Variants in RBFOX1 observed in about 807,000 individuals in gnomAD.
RBFOX1 encodes the protein RNA binding protein fox-1 homolog 1.
RBFOX1 carries 8 observed loss-of-function variants against 57.7 expected under a neutral mutation model. The ratio of observed to expected loss-of-function variants is 0.14; its 90% CI spans 0.08 to 0.25. The LOEUF (loss-of-function observed/expected upper bound fraction) is 0.25. Ranked by LOEUF, RBFOX1 falls within the 10% of genes least tolerant of loss-of-function variation. The probability of loss-of-function intolerance (pLI) is 1.00; values close to 1 mark genes in which losing one functional copy is unlikely to be tolerated. For missense variants in RBFOX1, 611 were observed against 548.5 expected (o/e 1.11, Z -1.14); for synonymous variants, 326 against 222.4 (o/e 1.47, Z -4.15).
intron 3 of RBFOX1, among the ~76,000 whole-genome samples, chr16:7,002,118 G>C (rs1243103818): frequency 6.6e-6 from 1 of 152,004 alleles, no homozygotes; most frequent in South Asian, 2.1e-4. Flanking sequence ...TTCTCATGGG[G>C]TTGTTGATCT....
chr16:6,777,629 A>C (rs1282495444), intron 3 of RBFOX1, among the ~76,000 whole-genome samples: 1 of 152,164 alleles, frequency 6.6e-6, no homozygotes, highest in Non-Finnish European at 1.5e-5. Flanking sequence ...CACGTTATTC[A>C]GTGTTTTAAA....
chr16:5,685,841 C>T (rs912557929), intron 3 of RBFOX1, among the ~76,000 whole-genome samples: 7 of 152,248 alleles, frequency 4.6e-5, no homozygotes, highest in African/African-American at 1.7e-4. Context: ...AGCAATTTCA[C>T]CTTTAATTAT....
rs150804343 is a variant in RBFOX1, at chr16:6,703,418, A to G, written c.-16+48768A>G. On this transcript the variant is annotated intron_variant, in intron 3 of 15. Transcript: ENST00000550418. ...GTGAGACCCCATCTCTACAGAAAAT[A>G]TAAAAAATATTAGCCAGGTATCGTG... Among the ~76,000 whole-genome samples the G allele has an allele frequency of 3.7e-4, 56 of 152,218 alleles. No homozygotes were observed. In the East Asian group the frequency reaches 8.7e-3, roughly 24 times the overall value.
At chr16:7,048,842 A>G (rs1335807478) in intron 3 of RBFOX1, among the ~76,000 whole-genome samples, 1 of 152,130 alleles carries the variant, frequency 6.6e-6, no homozygotes, top group Admixed American at 6.6e-5. Flanking sequence ...CTTGTTTAAA[A>G]TCCCATGGAA....
chr16:5,514,988 G>A (rs1031850261), intron 2 of RBFOX1, among the ~76,000 whole-genome samples: 2 of 152,160 alleles, frequency 1.3e-5, no homozygotes, highest in African/African-American at 2.4e-5. Context: ...ATGGTGGAAG[G>A]TGAAGGGGAA....
chr16:7,276,654 G>T (rs929473285), intron 4 of RBFOX1, among the ~76,000 whole-genome samples: 1 of 152,052 alleles, frequency 6.6e-6, no homozygotes, highest in African/African-American at 2.4e-5. Context: ...TCCTGGGCAG[G>T]TTACCTCTCC....
At chr16:7,054,046 A>C (rs560847663) in intron 4 of RBFOX1, among the ~76,000 whole-genome samples, 2 of 151,414 alleles carry the variant, frequency 1.3e-5, no homozygotes, top group Admixed American at 6.6e-5. Context: ...ACTGGTAGCT[A>C]TCTCATCTGT....
intron 1 of RBFOX1, among the ~76,000 whole-genome samples, chr16:5,428,936 T>G (rs947450139): frequency 6.6e-6 from 1 of 152,146 alleles, no homozygotes; most frequent in African/African-American, 2.4e-5. Context: ...TCTTTATGGC[T>G]TGTCTCGATG....
chr16:6,904,548 C>T (rs1018632989), intron 3 of RBFOX1, among the ~76,000 whole-genome samples: 1 of 130,134 alleles, frequency 7.7e-6, no homozygotes, highest in Non-Finnish European at 1.5e-5. Context: ...TTGCAGTGAG[C>T]TGAGATCATG....
At chr16:7,490,923 C>A (rs1000195397) in intron 4 of RBFOX1, among the ~76,000 whole-genome samples, 5 of 152,156 alleles carry the variant, frequency 3.3e-5, no homozygotes, top group African/African-American at 1.2e-4. Flanking sequence ...GATTCTTAGA[C>A]AGTTTCAATC....
intron 1 of RBFOX1, among the ~76,000 whole-genome samples, chr16:6,071,421 G>C (rs1448331466): frequency 1.3e-5 from 2 of 152,116 alleles, no homozygotes; most frequent in African/African-American, 4.8e-5. Flanking sequence ...AAATAAAAAT[G>C]GGTACTAGGT....
At chr16:5,410,078 A>G (rs1008949489) in intron 1 of RBFOX1, among the ~76,000 whole-genome samples, 10 of 150,540 alleles carry the variant, frequency 6.6e-5, no homozygotes, top group African/African-American at 2.0e-4. Flanking sequence ...AATAATCAAC[A>G]TGCAGCTGGG....
At chr16:7,144,969 G>T (rs913815075) in intron 4 of RBFOX1, among the ~76,000 whole-genome samples, 12 of 152,104 alleles carry the variant, frequency 7.9e-5, no homozygotes, top group African/African-American at 2.9e-4. Context: ...CCAGTGGAGT[G>T]CAGGGAGATA....
chr16:6,017,312 ATTTC>A (rs1331726660), upstream of RBFOX1, among the ~76,000 whole-genome samples: 9 of 152,140 alleles, frequency 5.9e-5, no homozygotes, highest in Non-Finnish European at 1.2e-4. Context: ...ACTGCCATTT[ATTTC>A]TTCTATCATT....
intron 4 of RBFOX1, among the ~76,000 whole-genome samples, chr16:7,066,511 TAGC>T (rs2056077153): frequency 1.3e-5 from 2 of 152,194 alleles, no homozygotes; most frequent in Non-Finnish European, 2.9e-5. Context: ...GAAATTTAAA[TAGC>T]TACCAAATGA....
At chr16:6,047,366 A>G (rs1266887584) in intron 1 of RBFOX1, among the ~76,000 whole-genome samples, 1 of 152,152 alleles carries the variant, frequency 6.6e-6, no homozygotes, top group Non-Finnish European at 1.5e-5. Context: ...GCTTTTAGAG[A>G]GATCCTTTCC....
chr16:5,807,716 G>A (rs1038850735), intron 3 of RBFOX1, among the ~76,000 whole-genome samples: 2 of 152,174 alleles, frequency 1.3e-5, no homozygotes, highest in African/African-American at 4.8e-5. Context: ...CTACATCGGT[G>A]CATCACAAAC....
At chr16:7,148,095 C>T (rs1000408010) in intron 4 of RBFOX1, among the ~76,000 whole-genome samples, 2 of 152,110 alleles carry the variant, frequency 1.3e-5, no homozygotes, top group Non-Finnish European at 2.9e-5. Flanking sequence ...CTAGTCACAG[C>T]CAATCTCTAG....
At chr16:7,225,177 A>G (rs138499521) in intron 4 of RBFOX1, among the ~76,000 whole-genome samples, 5 of 152,194 alleles carry the variant, frequency 3.3e-5, no homozygotes, top group African/African-American at 4.8e-5. Context: ...GACAGGAAGC[A>G]TGAATCTAGT....
Sources: gnomAD v4.1 joint callset for allele counts (sites outside exome capture counted in the v4.1 genomes callset) on GRCh38, gnomAD v4.1.1 for gene constraint, MANE v1.5 for transcripts, NCBI Gene and HGNC (gene_info 2026-07-23, HGNC 2026-07-21) for gene names.